Variants in CNDP2 observed in about 807,000 individuals in gnomAD.
CNDP2 encodes the protein cytosolic non-specific dipeptidase.
In CNDP2, 38 loss-of-function variants were observed where a neutral mutation model predicts 55.0. The ratio of observed to expected loss-of-function variants is 0.69; its 90% CI spans 0.53 to 0.90. CNDP2 has a LOEUF of 0.90. Among genes scored for constraint, CNDP2 ranks in the 40% least tolerant of loss-of-function variants. The pLI is 0.00. For missense variants in CNDP2, 607 were observed against 621.7 expected, an observed-to-expected ratio of 0.98 and a Z score of 0.25; for synonymous variants, 241 against 260.2, an observed-to-expected ratio of 0.93 and a Z score of 0.71.
chr18:74,504,190 TGC>T, intron 3 of CNDP2, among the ~76,000 whole-genome samples: 1 of 144,890 alleles, frequency 6.9e-6, no homozygotes, highest in Non-Finnish European at 1.5e-5. Flanking sequence ...GCAGCCACAC[TGC>T]CACTGGGACA....
At chr18:74,500,071 A>C in intron 2 of CNDP2, 38 bp downstream of exon 2, 1 of 1,557,030 alleles carries the variant, frequency 6.4e-7, no homozygotes, top group Non-Finnish European at 8.9e-7. Context: ...GTAAAATCTG[A>C]TTTAATCCCA....
intron 3 of CNDP2, among the ~76,000 whole-genome samples, chr18:74,504,458 A>G (rs1978900043): frequency 6.6e-6 from 1 of 152,280 alleles, no homozygotes; most frequent in African/African-American, 2.4e-5. Flanking sequence ...GGATCCCATA[A>G]GAATCCCAGC....
chr18:74,502,473 G>GTT (rs780141172), intron 3 of CNDP2, among the ~76,000 whole-genome samples: 2 of 144,344 alleles, frequency 1.4e-5, no homozygotes, highest in African/African-American at 5.1e-5. Context: ...TGTCTTTTTG[G>GTT]TTTTTTTTTT....
chr18:74,496,999 G>T (rs1978451491), intron 1 of CNDP2, among the ~76,000 whole-genome samples: 1 of 152,188 alleles, frequency 6.6e-6, no homozygotes, highest in Non-Finnish European at 1.5e-5. Context: ...AGCGTCTGAG[G>T]GGAGACAAAA....
chr18:74,511,026 G>C lies in CNDP2; in HGVS notation c.657+13G>C. The C allele has an allele frequency of 6.2e-7, 1 of 1,608,348 alleles. No homozygotes were observed. The highest frequency in any genetic ancestry group is 1.1e-5 in the South Asian group (1 of 90,832). ...CTTTTTCATCGAGGTACAGTGCCAA[G>C]CTGTACGGGTCACTTCTTTCTAACC... is the stretch of plus-strand genomic sequence containing the variant. On this transcript the variant is annotated intron_variant, in intron 6 of 11. Coordinates refer to ENST00000324262, the MANE Select transcript of CNDP2 (RefSeq NM_018235.3).
intron 3 of CNDP2, among the ~76,000 whole-genome samples, chr18:74,502,660 A>G (rs913721372): frequency 6.6e-6 from 1 of 152,192 alleles, no homozygotes; most frequent in Non-Finnish European, 1.5e-5. Context: ...GTTTCATGCC[A>G]TATATTTTCA....
chr18:74,512,344 G>GA, intron 6 of CNDP2, 104 bp from the exon 7 acceptor site: 1 of 1,064,230 alleles, frequency 9.4e-7, no homozygotes, highest in East Asian at 2.6e-5. Context: ...TTTGATTTGG[G>GA]AAATTGTCAG....
intron 8 of CNDP2, among the ~76,000 whole-genome samples, chr18:74,514,551 G>T (rs1979549024): frequency 1.4e-5 from 2 of 138,138 alleles, no homozygotes; most frequent in African/African-American, 2.7e-5. Context: ...GGTTTATGTG[G>T]TATGGATGTA....
chr18:74,503,834 C>T (rs376853844), intron 3 of CNDP2, among the ~76,000 whole-genome samples: 3 of 150,772 alleles, frequency 2.0e-5, no homozygotes, highest in South Asian at 2.1e-4. Context: ...AAATGAGGGG[C>T]GTCAGGCCAC....
Position 74,510,943 on chromosome 18 carries a change from A to G in CNDP2, c.587A>G (p.Asn196Ser), listed in dbSNP as rs753960343. Residue 196 changes from asparagine (N) to serine (S), a missense_variant, in exon 6 of 12, where the codon AAT becomes AGT. Transcript: ENST00000324262. ...KDVDYVCISD[N>S]YWLGKKKPCI... Reference sequence around the variant, plus strand: ...GTGGACTATGTCTGCATTTCTGACAATTACTGGCTGGGAAAGAAGAAGCCC... The same window carrying G: ...GTGGACTATGTCTGCATTTCTGACAGTTACTGGCTGGGAAAGAAGAAGCCC... The G allele has an allele frequency of 2.5e-6, 4 of 1,614,182 alleles. No individual in the cohort carries two copies. The highest frequency in any genetic ancestry group is 2.2e-5 in the East Asian group (1 of 44,888).
chr18:74,502,469 T>G (rs968732641), intron 3 of CNDP2, among the ~76,000 whole-genome samples: 2 of 138,756 alleles, frequency 1.4e-5, no homozygotes, highest in African/African-American at 5.4e-5. Context: ...TTTTTGTCTT[T>G]TTGGTTTTTT....
Position 74,505,971 on chromosome 18 carries a change from C to T in CNDP2, c.327C>T (p.Asp109=), listed in dbSNP as rs754920640. 2.6e-5 allele frequency: 42 copies of T among 1,606,060 alleles called. No individual in the cohort carries two copies. The highest frequency in any genetic ancestry group is 9.4e-5 in the African/African-American group (7 of 74,310). Residue 109 remains aspartate, a synonymous_variant, in exon 4 of 12, where the codon GAC becomes GAT. Coordinates refer to ENST00000324262, the MANE Select transcript of CNDP2 (RefSeq NM_018235.3). ...HLDVQPAALE[D]GWDSEPFTLV... is the part of the protein sequence containing the mutation. ...ATGTGCAGCCTGCAGCCCTGGAGGA[C>T]GGCTGGGACAGCGAGCCCTTCACCC...
intron 3 of CNDP2, 101 bp from the exon 4 acceptor site, chr18:74,505,748 A>T (rs1054860186): frequency 2.3e-6 from 3 of 1,280,798 alleles, no homozygotes; most frequent in Non-Finnish European, 2.2e-6. Context: ...TTGATTGATA[A>T]GGACAGATAA....
rs1405930652 is a variant in CNDP2, at chr18:74,520,259, C to A, written c.*191C>A. ...AGCTACCCGTTGGGCTTATGAGTGACCTGGAGTGACAGCTGAGTCACCCTG... is the reference window on the plus strand; with the variant it reads ...AGCTACCCGTTGGGCTTATGAGTGAACTGGAGTGACAGCTGAGTCACCCTG... On this transcript the variant is annotated 3_prime_UTR_variant, in exon 12 of 12. Coordinates refer to ENST00000324262, the MANE Select transcript of CNDP2 (RefSeq NM_018235.3). 1 of 575,218 alleles carries A rather than the reference C, an allele frequency of 1.7e-6. No individual in the cohort carries two copies. The highest frequency in any genetic ancestry group is 3.1e-5 in the Admixed American group (1 of 32,704). The allele number at this position is 575,218 out of a possible 1,614,324, so 35.6% of individuals were successfully genotyped here. A position where few individuals can be genotyped will look rare whatever the true frequency, so the allele number is the denominator to read the frequency against.
At chr18:74,512,367 C>T in intron 6 of CNDP2, 81 bp from the exon 7 acceptor site, 2 of 1,295,304 alleles carry the variant, frequency 1.5e-6, no homozygotes, top group Non-Finnish European at 2.2e-6. Context: ...CTTGTAAATG[C>T]TCTTTGTTGA....
In CNDP2 at chr18:74,518,996, G is replaced by A. The variant is rs374297578; in HGVS notation, c.1258G>A (p.Val420Met). The part of the protein sequence containing the change: ...DLTREGGSIP[V>M]TLTFQEATGK... ...GACCAGGGAAGGCGGCAGTATTCCC[G>A]TGACCTTGACCTTTCAGGAGGCCAC... The change falls in exon 11 of 12, where the codon GTG becomes ATG. Residue 420 changes from valine to methionine, a missense_variant. Physicochemically the swap from Val to Met is conservative, Grantham distance 21. Coordinates refer to ENST00000324262, the MANE Select transcript of CNDP2 (RefSeq NM_018235.3). The A allele has an allele frequency of 1.5e-5, 24 of 1,614,016 alleles. No homozygotes were observed. Among genetic ancestry groups the A allele is most frequent in the East Asian group, 6.7e-5 (3 of 44,884 alleles).
intron 9 of CNDP2, chr18:74,516,758 C>T: frequency 5.4e-6 from 1 of 186,186 alleles, no homozygotes; most frequent in Admixed American, 5.6e-5. Context: ...CAGCTTCTGA[C>T]TGTCCCCCTC....
intron 8 of CNDP2, chr18:74,513,962 G>A: frequency 2.2e-6 from 1 of 445,976 alleles, no homozygotes; most frequent in Non-Finnish European, 4.0e-6. Flanking sequence ...ACATGGGCTG[G>A]CTCCTGCTGG....
At chr18:74,516,063 G>A (rs1245104684) in intron 8 of CNDP2, among the ~76,000 whole-genome samples, 165 bp from the exon 9 acceptor site, 1 of 152,232 alleles carries the variant, frequency 6.6e-6, no homozygotes, top group African/African-American at 2.4e-5. Flanking sequence ...GTCACTCACT[G>A]CAGTCGCACC....
Sources: allele counts gnomAD v4.1 joint callset (sites outside exome capture counted in the v4.1 genomes callset), GRCh38; gene constraint gnomAD v4.1.1; transcripts MANE v1.5; gene names NCBI Gene and HGNC (gene_info 2026-07-23, HGNC 2026-07-21).